Variants in MID1 observed in about 807,000 individuals in gnomAD.
MID1 encodes midline 1.
Under a neutral mutation model 40.4 loss-of-function variants are expected in MID1, and 7 were observed. That is an observed-to-expected ratio of 0.17 (90% CI 0.10 to 0.33). The LOEUF (loss-of-function observed/expected upper bound fraction) is 0.33. MID1 is among the 10% of genes least tolerant of loss of function. The pLI, the probability that MID1 is intolerant of heterozygous loss-of-function variation, is 1.00. For synonymous variants in MID1, 229 were observed against 221.2 expected (o/e 1.04, Z -0.31); for missense variants, 367 against 558.5 (o/e 0.66, Z 3.46).
At chrX:10,761,420 G>A (rs1231961661) in intron 1 of MID1, among the ~76,000 whole-genome samples, 6 of 112,035 alleles carry the variant, frequency 5.4e-5, no homozygotes, top group Non-Finnish European at 1.1e-4. Flanking sequence ...AGTGCTGGAA[G>A]ATTGGCCCCA....
chrX:10,734,158 T>C (rs1167221755), intron 1 of MID1, among the ~76,000 whole-genome samples: 2 of 112,073 alleles, frequency 1.8e-5, no homozygotes, highest in African/African-American at 3.2e-5. Context: ...CAATGGTAGA[T>C]TGGACAAAGA....
At chrX:10,754,766 G>A (rs1602557785) in intron 1 of MID1, among the ~76,000 whole-genome samples, 1 of 111,198 alleles carries the variant, frequency 9.0e-6, no homozygotes, top group East Asian at 2.8e-4. Flanking sequence ...CATTTCCCTT[G>A]GAAAGTTCAC....
rs139626413 is a variant in MID1 at position 10,685,159 on chromosome X, T to A, written c.-186-64740A>T. Among the ~76,000 whole-genome samples, 128 of 112,479 alleles carry A rather than the reference T, an allele frequency of 1.1e-3. No homozygotes were observed. In the East Asian group the frequency reaches 0.024, roughly 21 times the overall value. On this transcript the variant is annotated intron_variant, in intron 1 of 10. Coordinates refer to the MID1 transcript ENST00000380785. ...ATATTTTATGTCATTAAAAATTTCA[T>A]GTAAATTCCCATTTCAATGGCCATA...
At chrX:10,495,804 G>A (rs1931218706) in intron 3 of MID1, 113 bp from the exon 4 acceptor site, 1 of 572,826 alleles carries the variant, frequency 1.7e-6, no homozygotes. Flanking sequence ...TATTTTAAAT[G>A]TTAACTCTTT....
At chrX:10,532,529 CCT>C in intron 2 of MID1, among the ~76,000 whole-genome samples, 1 of 110,306 alleles carries the variant, frequency 9.1e-6, no homozygotes, top group Middle Eastern at 4.7e-3. Context: ...AGAAAGAGGC[CCT>C]GTCTTTTAAA....
chrX:10,766,668 C>T (rs2043731819), intron 1 of MID1, among the ~76,000 whole-genome samples: 1 of 111,054 alleles, frequency 9.0e-6, no homozygotes, highest in African/African-American at 3.3e-5. Flanking sequence ...ACCTGTAATC[C>T]CAGCATTTTG....
chrX:10,558,457 A>C (rs1258055989), intron 2 of MID1, among the ~76,000 whole-genome samples: 1 of 113,254 alleles, frequency 8.8e-6, no homozygotes, highest in Non-Finnish European at 1.9e-5. Flanking sequence ...GCACATGTCC[A>C]TCAACAAGTG....
intron 1 of MID1, among the ~76,000 whole-genome samples, chrX:10,670,907 C>T (rs1024863246): frequency 6.3e-5 from 7 of 111,751 alleles, no homozygotes; most frequent in Non-Finnish European, 1.3e-4. Flanking sequence ...TCCAGAGGGC[C>T]TTGGAACCAT....
At chrX:10,470,547 A>G (rs1047891638) in intron 6 of MID1, among the ~76,000 whole-genome samples, 2 of 112,359 alleles carry the variant, frequency 1.8e-5, no homozygotes, top group African/African-American at 6.5e-5. Flanking sequence ...AAAAAAAAGA[A>G]CTTACTAGTC....
At chrX:10,784,508 C>T (rs1191828375) in intron 1 of MID1, among the ~76,000 whole-genome samples, 2 of 98,726 alleles carry the variant, frequency 2.0e-5, no homozygotes, top group Non-Finnish European at 4.0e-5. Context: ...TGCAGTGGGA[C>T]AATCTCGGCT....
At chrX:10,610,997 C>T (rs781534764) in intron 1 of MID1, among the ~76,000 whole-genome samples, 56 of 112,173 alleles carry the variant, frequency 5.0e-4, no homozygotes, top group African/African-American at 1.7e-3. Flanking sequence ...GTTTTCTGCA[C>T]TCAGGCAGGA....
intron 1 of MID1, among the ~76,000 whole-genome samples, chrX:10,749,020 C>A (rs1317259061): frequency 9.0e-6 from 1 of 111,341 alleles, no homozygotes; most frequent in African/African-American, 3.3e-5. Flanking sequence ...CTAAGGTCAT[C>A]CTTGTGCATA....
intron 1 of MID1, among the ~76,000 whole-genome samples, chrX:10,588,858 C>A (rs2147503573): frequency 8.9e-6 from 1 of 111,772 alleles, no homozygotes; most frequent in East Asian, 2.8e-4. Flanking sequence ...AGGGACTTGT[C>A]TAGGCTTCCT....
chrX:10,741,464 C>G (rs1288319210), intron 1 of MID1, among the ~76,000 whole-genome samples: 1 of 100,261 alleles, frequency 1.0e-5, no homozygotes, highest in Non-Finnish European at 2.0e-5. Context: ...TCATTCCCCT[C>G]TTTTTTTTTT....
At chrX:10,671,123 A>C (rs2042984845) in intron 1 of MID1, among the ~76,000 whole-genome samples, 1 of 111,922 alleles carries the variant, frequency 8.9e-6, no homozygotes, top group Admixed American at 9.5e-5. Flanking sequence ...GCCTCAGAAA[A>C]ATTCACAGTT....
intron 4 of MID1, among the ~76,000 whole-genome samples, chrX:10,488,129 G>C (rs925059375): frequency 2.7e-5 from 3 of 109,581 alleles, no homozygotes; most frequent in Non-Finnish European, 3.8e-5. Context: ...TTACAGGAGT[G>C]AGCCACCAAC....
chrX:10,502,693 G>T (rs1486141699), intron 3 of MID1, among the ~76,000 whole-genome samples: 1 of 111,916 alleles, frequency 8.9e-6, no homozygotes, highest in Non-Finnish European at 1.9e-5. Flanking sequence ...TACTTTACAA[G>T]TTTGCCTAGA....
intron 2 of MID1, among the ~76,000 whole-genome samples, chrX:10,545,729 TGAAGGA>T (rs1165296226): frequency 4.5e-5 from 5 of 111,709 alleles, no homozygotes; most frequent in Admixed American, 2.9e-4. Context: ...TGCTTCTGAA[TGAAGGA>T]GAAGGAGAAG....
At chrX:10,747,063 C>T (rs181646445) in intron 1 of MID1, among the ~76,000 whole-genome samples, 22 of 110,858 alleles carry the variant, frequency 2.0e-4, no homozygotes, top group Admixed American at 6.7e-4. Flanking sequence ...GCACAGCCAA[C>T]GCTGTTGATA....
Sources: allele counts gnomAD v4.1 joint callset (sites outside exome capture counted in the v4.1 genomes callset), GRCh38; gene constraint gnomAD v4.1.1; transcripts MANE v1.5; gene names NCBI Gene and HGNC (gene_info 2026-07-23, HGNC 2026-07-21).